CNTN5: variants seen among roughly 807,000 people sequenced by gnomAD.
CNTN5 encodes the protein contactin 5.
A neutral mutation model predicts 129.1 loss-of-function variants in CNTN5; 77 were observed. That is an observed-to-expected ratio of 0.60 (90% CI 0.50 to 0.72). The LOEUF (loss-of-function observed/expected upper bound fraction) is 0.72. CNTN5 is among the 30% of genes least tolerant of loss of function. The probability of loss-of-function intolerance (pLI) is 0.00; values close to 1 mark genes in which losing one functional copy is unlikely to be tolerated. For synonymous variants in CNTN5, 509 were observed against 465.6 expected (o/e 1.09, Z -1.20); for missense variants, 1,478 against 1,328.8 (o/e 1.11, Z -1.75).
chr11:99,154,218 C>T (rs189722375), intron 1 of CNTN5, among the ~76,000 whole-genome samples: 1 of 152,182 alleles, frequency 6.6e-6, no homozygotes, highest in African/African-American at 2.4e-5. Context: ...CCTGCACATG[C>T]TCACTCCAGC....
intron 1 of CNTN5, among the ~76,000 whole-genome samples, chr11:99,316,577 T>A (rs1393705204): frequency 1.5e-4 from 23 of 152,126 alleles, no homozygotes; most frequent in Non-Finnish European, 4.4e-5. Flanking sequence ...TTATTTTCAG[T>A]AGACGACCCT....
intron 13 of CNTN5, among the ~76,000 whole-genome samples, chr11:100,090,405 C>T (rs1944711082): frequency 6.6e-6 from 1 of 151,862 alleles, no homozygotes; most frequent in Non-Finnish European, 1.5e-5. Flanking sequence ...GTCCCTCTTT[C>T]TTTTTCTTTT....
Position 99,611,595 on chromosome 11 carries a change from T to C in CNTN5, c.55+55326T>C, listed in dbSNP as rs141750633. On this transcript the variant is annotated intron_variant, in intron 3 of 24. Coordinates refer to ENST00000524871, the MANE Select transcript of CNTN5 (RefSeq NM_014361.4). ...TGTTCAATTTAAAGTAAACTATATT[T>C]AAATCAGTAGTCCTATTCAATAGCT... 3.9e-5 allele frequency among the ~76,000 whole-genome samples: 6 copies of C among 152,286 alleles called. No homozygotes were observed. The East Asian group carries it at 1.2e-3, about 29-fold the overall frequency.
intron 3 of CNTN5, among the ~76,000 whole-genome samples, chr11:99,705,442 C>G (rs915150329): frequency 3.3e-5 from 5 of 151,328 alleles, no homozygotes; most frequent in African/African-American, 1.2e-4. Context: ...CTGATAAATT[C>G]ACTGATACAA....
intron 16 of CNTN5, among the ~76,000 whole-genome samples, chr11:100,226,573 G>A (rs1329624225): frequency 6.6e-6 from 1 of 152,102 alleles, no homozygotes; most frequent in East Asian, 1.9e-4. Context: ...ATTTCAAACA[G>A]GTTGCTATTG....
intron 3 of CNTN5, among the ~76,000 whole-genome samples, chr11:99,558,646 T>G (rs1948748401): frequency 6.6e-6 from 1 of 152,058 alleles, no homozygotes. Context: ...CAGCCTGATA[T>G]GGGGTCCATG....
chr11:100,323,642 C>T (rs1944162), intron 21 of CNTN5, among the ~76,000 whole-genome samples: 1 of 134,434 alleles, frequency 7.4e-6, no homozygotes, highest in African/African-American at 3.0e-5. Context: ...CTCCTCCCCC[C>T]CCCTTCTTTT....
At chr11:99,370,095 T>C (rs1345489114) in intron 2 of CNTN5, among the ~76,000 whole-genome samples, 1 of 152,140 alleles carries the variant, frequency 6.6e-6, no homozygotes, top group Non-Finnish European at 1.5e-5. Flanking sequence ...GAATTTCATA[T>C]GTGAAACAAG....
At chr11:99,672,076 C>T (rs1291809419) in intron 3 of CNTN5, among the ~76,000 whole-genome samples, 4 of 152,132 alleles carry the variant, frequency 2.6e-5, no homozygotes, top group Admixed American at 6.5e-5. Context: ...AATTTCTTGT[C>T]ACTTTTTTCT....
chr11:100,062,578 C>A lies in CNTN5; in HGVS notation c.1162+1185C>A, dbSNP rs1591162401. Among the ~76,000 whole-genome samples the A allele has an allele frequency of 2.6e-5, 4 of 152,164 alleles. No homozygotes were observed. The South Asian group carries it at 8.3e-4, about 31-fold the overall frequency. Reference sequence around the variant, plus strand: ...AAGCAAACTCCACATTAGAGTGGAGCATTCTGTGTGCAGTGATAAAGGCAT... The same window carrying A: ...AAGCAAACTCCACATTAGAGTGGAGAATTCTGTGTGCAGTGATAAAGGCAT... On this transcript the variant is annotated intron_variant, in intron 10 of 24. Coordinates refer to ENST00000524871, the MANE Select transcript of CNTN5 (RefSeq NM_014361.4).
intron 13 of CNTN5, among the ~76,000 whole-genome samples, chr11:100,131,279 C>T (rs538522651): frequency 4.6e-5 from 7 of 151,696 alleles, no homozygotes; most frequent in African/African-American, 9.7e-5. Context: ...TGATGAAGAG[C>T]AAAGGAAAGA....
rs536931173 is a variant in CNTN5 at position 99,081,612 on chromosome 11, A to C, written c.-210+60342A>C. 1.7e-4 allele frequency among the ~76,000 whole-genome samples: 26 copies of C among 152,312 alleles called. No homozygotes were observed. The East Asian group carries it at 3.3e-3, about 19-fold the overall frequency. ...TAACACCAACAAATTGAAATAAACC[A>C]CTGTAAGGTACAGCACTGATATTCT... On this transcript the variant is annotated intron_variant, in intron 1 of 24. Transcript: ENST00000524871.
intron 1 of CNTN5, among the ~76,000 whole-genome samples, chr11:99,175,183 G>A (rs1440770584): frequency 6.6e-6 from 1 of 152,096 alleles, no homozygotes; most frequent in Non-Finnish European, 1.5e-5. Flanking sequence ...GTAGTAAGCC[G>A]AGATCATGCC....
chr11:99,519,446 A>G (rs191882889), intron 2 of CNTN5, among the ~76,000 whole-genome samples: 36 of 152,098 alleles, frequency 2.4e-4, no homozygotes, highest in Admixed American at 5.9e-4. Context: ...GAATGTGGGG[A>G]TATGTGTGTT....
chr11:99,855,138 A>G (rs1355659611), intron 6 of CNTN5, among the ~76,000 whole-genome samples: 1 of 152,032 alleles, frequency 6.6e-6, no homozygotes, highest in Non-Finnish European at 1.5e-5. Context: ...GCAAGCCCTC[A>G]TCTCTACCAA....
At chr11:100,084,755 G>A (rs1372600060) in intron 13 of CNTN5, among the ~76,000 whole-genome samples, 5 of 152,012 alleles carry the variant, frequency 3.3e-5, no homozygotes. Context: ...TGATTACTAT[G>A]TTATTAGTTA....
At chr11:99,994,533 C>T (rs1055218299) in intron 8 of CNTN5, among the ~76,000 whole-genome samples, 3 of 151,994 alleles carry the variant, frequency 2.0e-5, no homozygotes, top group Admixed American at 1.3e-4. Context: ...ACTCCAACAC[C>T]CTATGACACT....
At chr11:100,230,823 C>T (rs536087051) in intron 16 of CNTN5, among the ~76,000 whole-genome samples, 6 of 152,190 alleles carry the variant, frequency 3.9e-5, no homozygotes, top group Non-Finnish European at 7.3e-5. Flanking sequence ...TGACTTCACT[C>T]TTCAAATTTG....
At chr11:99,311,782 A>G (rs556017712) in intron 1 of CNTN5, among the ~76,000 whole-genome samples, 2 of 152,300 alleles carry the variant, frequency 1.3e-5, no homozygotes, top group East Asian at 1.9e-4. Context: ...AACTGACCAT[A>G]TTATTAATTG....
Sources: gnomAD v4.1 joint callset for allele counts (sites outside exome capture counted in the v4.1 genomes callset) on GRCh38, gnomAD v4.1.1 for gene constraint, MANE v1.5 for transcripts, NCBI Gene and HGNC (gene_info 2026-07-23, HGNC 2026-07-21) for gene names.